Variants in MRPS6 observed in about 807,000 individuals in gnomAD.
MRPS6 encodes the protein small ribosomal subunit protein bS6m.
Under a neutral mutation model 13.1 loss-of-function variants are expected in MRPS6, and 6 were observed. The ratio of observed to expected loss-of-function variants is 0.46; its 90% CI spans 0.25 to 0.91. MRPS6 has a LOEUF of 0.91. MRPS6 is among the 40% of genes least tolerant of loss of function. The pLI is 0.18. For missense variants in MRPS6, 164 were observed against 155.6 expected, an observed-to-expected ratio of 1.05 and a Z score of -0.29; for synonymous variants, 61 against 56.5, an observed-to-expected ratio of 1.08 and a Z score of -0.36.
intron 1 of MRPS6, among the ~76,000 whole-genome samples, chr21:34,075,382 A>G (rs960592533): frequency 3.9e-5 from 6 of 152,236 alleles, no homozygotes; most frequent in African/African-American, 7.2e-5. Flanking sequence ...CATGGCTGCA[A>G]GTATTAAGTG....
chr21:34,104,694 G>GT, intron 1 of MRPS6: 1 of 1,000,078 alleles, frequency 1.0e-6, no homozygotes, highest in Non-Finnish European at 1.2e-6. Context: ...CCTCAGGCCT[G>GT]GGGGGATGAG....
intron 1 of MRPS6, among the ~76,000 whole-genome samples, chr21:34,108,205 C>T (rs1979559046): frequency 6.6e-6 from 1 of 152,206 alleles, no homozygotes; most frequent in African/African-American, 2.4e-5. Context: ...TCACTAACCA[C>T]TCACCCAAAG....
chr21:34,074,923 G>T (rs550209438), intron 1 of MRPS6, among the ~76,000 whole-genome samples: 1 of 152,212 alleles, frequency 6.6e-6, no homozygotes, highest in South Asian at 2.1e-4. Flanking sequence ...AGGGACGCCA[G>T]TGCCTCTCTA....
At chr21:34,081,961 A>G (rs566360756) in intron 1 of MRPS6, among the ~76,000 whole-genome samples, 1 of 151,726 alleles carries the variant, frequency 6.6e-6, no homozygotes, top group East Asian at 1.9e-4. Flanking sequence ...GCTCCCATCT[A>G]TTATTGCCAT....
intron 1 of MRPS6, among the ~76,000 whole-genome samples, chr21:34,110,381 G>A (rs945262409): frequency 6.6e-6 from 1 of 152,092 alleles, no homozygotes; most frequent in Non-Finnish European, 1.5e-5. Context: ...TCAAGAGGCC[G>A]AGGCAGAAGG....
At chr21:34,105,401 T>C (rs1166135115) in intron 1 of MRPS6, 2 of 999,154 alleles carry the variant, frequency 2.0e-6, no homozygotes, top group Non-Finnish European at 1.2e-6. Context: ...TTTCTAATAA[T>C]ATCCTGTGAA....
At chr21:34,107,071 A>G (rs1055846928) in intron 1 of MRPS6, among the ~76,000 whole-genome samples, 1 of 152,152 alleles carries the variant, frequency 6.6e-6, no homozygotes, top group African/African-American at 2.4e-5. Flanking sequence ...AACTGGGATT[A>G]CAGGCATGCG....
At chr21:34,111,333 G>A (rs1192635883) in intron 1 of MRPS6, among the ~76,000 whole-genome samples, 4 of 152,186 alleles carry the variant, frequency 2.6e-5, no homozygotes, top group Middle Eastern at 3.4e-3. Context: ...ACCACCACCC[G>A]CTTCCTGCCA....
intron 1 of MRPS6, among the ~76,000 whole-genome samples, chr21:34,093,365 C>T (rs1391666281): frequency 6.6e-6 from 1 of 151,662 alleles, no homozygotes; most frequent in African/African-American, 2.4e-5. Flanking sequence ...TAAAAAGGCA[C>T]GCAGATGGGA....
In MRPS6 at chr21:34,083,605, G is replaced by A. The variant is rs371309624; in HGVS notation, c.45+9860G>A. ...TTTTGATTGCCATTCTTCTGTTGGT[G>A]TACTGCTTGCCTTCTGTTTTGTTAA... On this transcript the variant is annotated intron_variant, in intron 1 of 2. Coordinates refer to ENST00000399312, the MANE Select transcript of MRPS6 (RefSeq NM_032476.4). 3.2e-4 allele frequency among the ~76,000 whole-genome samples: 48 copies of A among 152,298 alleles called. 1 individual carries two copies. The South Asian group carries it at 1.0e-2, about 32-fold the overall frequency.
chr21:34,090,324 G>A (rs144023659), intron 1 of MRPS6, among the ~76,000 whole-genome samples: 2 of 152,334 alleles, frequency 1.3e-5, no homozygotes, highest in South Asian at 2.1e-4. Context: ...TGCATCAAGC[G>A]TTAGTAGTCT....
At chr21:34,131,951 G>A (rs955212804) in intron 2 of MRPS6, among the ~76,000 whole-genome samples, 1 of 152,228 alleles carries the variant, frequency 6.6e-6, no homozygotes, top group African/African-American at 2.4e-5. Flanking sequence ...AGGTTTGTCT[G>A]TAGTAGATGC....
Position 34,096,352 on chromosome 21 carries a change from G to C in MRPS6, c.45+22607G>C, listed in dbSNP as rs1978964025. 1 of 1,614,070 alleles carries C rather than the reference G, an allele frequency of 6.2e-7. No individual in the cohort carries two copies. The highest frequency in any genetic ancestry group is 1.7e-5 in the Admixed American group (1 of 59,994). On this transcript the variant is annotated intron_variant, in intron 1 of 2. Transcript: ENST00000399312. This position sits in a 1 kb window ranked among gnomAD's most constrained non-coding sequence, Gnocchi z 5.9. ...AGTGACTTAGACTCTATCTTTAACAGTGCCAGTACCATATTCACCCTCGAT... is the reference window on the plus strand; with the variant it reads ...AGTGACTTAGACTCTATCTTTAACACTGCCAGTACCATATTCACCCTCGAT...
At chr21:34,082,968 A>G (rs1287866400) in intron 1 of MRPS6, among the ~76,000 whole-genome samples, 3 of 152,188 alleles carry the variant, frequency 2.0e-5, no homozygotes, top group Non-Finnish European at 4.4e-5. Flanking sequence ...TGAAATTGCA[A>G]GTGAAAGCAC....
At chr21:34,095,176 G>A (rs766758419) in intron 1 of MRPS6, 3 of 1,565,532 alleles carry the variant, frequency 1.9e-6, no homozygotes, top group Admixed American at 2.0e-5. Context: ...TCATTGGAGC[G>A]CTATTATTCA....
intron 2 of MRPS6, among the ~76,000 whole-genome samples, chr21:34,134,493 C>T (rs1980617742): frequency 6.6e-6 from 1 of 152,186 alleles, no homozygotes; most frequent in African/African-American, 2.4e-5. Context: ...TTAAAATCAT[C>T]AGCTTTATAG....
intron 2 of MRPS6, 116 bp downstream of exon 2, chr21:34,125,596 T>G (rs1231443365): frequency 6.8e-7 from 1 of 1,460,548 alleles, no homozygotes; most frequent in Non-Finnish European, 9.2e-7. Context: ...TGCGCCTAGG[T>G]GTCCTTTGGG....
chr21:34,113,145 AATTAGT>A (rs1979770273), intron 1 of MRPS6, among the ~76,000 whole-genome samples: 1 of 152,200 alleles, frequency 6.6e-6, no homozygotes, highest in Non-Finnish European at 1.5e-5. Flanking sequence ...GGTGGGAATA[AATTAGT>A]ACAGCCATTG....
intron 1 of MRPS6, chr21:34,104,805 C>T (rs552094834): frequency 7.0e-6 from 7 of 999,996 alleles, no homozygotes; most frequent in Middle Eastern, 5.2e-4. Flanking sequence ...GTTAATCCTA[C>T]GTACTATGTG....
Sources: allele counts gnomAD v4.1 joint callset (sites outside exome capture counted in the v4.1 genomes callset), GRCh38; gene constraint gnomAD v4.1.1; non-coding constraint Gnocchi (gnomAD v3.1); transcripts MANE v1.5; gene names NCBI Gene and HGNC (gene_info 2026-07-23, HGNC 2026-07-21).